Variants in GSE1 observed in about 807,000 individuals in gnomAD.
GSE1 encodes Gse1 coiled-coil protein.
In GSE1, 32 loss-of-function variants were observed where a neutral mutation model predicts 112.6. The observed-to-expected ratio is 0.28, with a 90% CI of 0.21 to 0.38. GSE1 has a LOEUF of 0.38. Among genes scored for constraint, GSE1 ranks in the 10% least tolerant of loss-of-function variants. GSE1 has a pLI of 1.00. For synonymous variants in GSE1, 1,115 were observed against 735.6 expected (o/e 1.52, Z -8.35); for missense variants, 2,348 against 1,699.2 (o/e 1.38, Z -6.71).
chr16:85,416,702 C>G (rs1291286082), intron 2 of GSE1, among the ~76,000 whole-genome samples: 1 of 152,250 alleles, frequency 6.6e-6, no homozygotes. Flanking sequence ...CCAAGAGTCC[C>G]TGGCAAAATC....
At chr16:85,400,482 T>C (rs2048077124) in intron 2 of GSE1, among the ~76,000 whole-genome samples, 1 of 151,824 alleles carries the variant, frequency 6.6e-6, no homozygotes, top group South Asian at 2.1e-4. Flanking sequence ...TGTGTAGTTT[T>C]GTGTTGTGTG....
chr16:85,397,482 C>A (rs993297819), intron 2 of GSE1, among the ~76,000 whole-genome samples: 2 of 152,240 alleles, frequency 1.3e-5, no homozygotes, highest in Admixed American at 6.5e-5. Flanking sequence ...CTGGCCCAGG[C>A]TTGTCACGGT....
intron 1 of GSE1, among the ~76,000 whole-genome samples, chr16:85,291,286 C>T (rs1384635574): frequency 6.6e-6 from 1 of 152,186 alleles, no homozygotes; most frequent in Admixed American, 6.5e-5. Context: ...TCCCTCCTCA[C>T]CCTCCTCCTC....
chr16:85,654,696 T>G, intron 4 of GSE1, 98 bp from the exon 5 acceptor site: 1 of 825,944 alleles, frequency 1.2e-6, no homozygotes, highest in Non-Finnish European at 2.0e-6. Flanking sequence ...GGGTGCCGAC[T>G]GAGCGCCAGG....
chr16:85,183,479 C>T (rs1597739173), intron 1 of GSE1, among the ~76,000 whole-genome samples: 1 of 152,212 alleles, frequency 6.6e-6, no homozygotes. Flanking sequence ...ACAGCCAGGG[C>T]ACCCAGACTC....
At chr16:85,615,584 C>T (rs1392376324) in intron 1 of GSE1, among the ~76,000 whole-genome samples, 2 of 152,162 alleles carry the variant, frequency 1.3e-5, no homozygotes, top group Non-Finnish European at 2.9e-5. Flanking sequence ...CTCCGGTGAC[C>T]TAGGGTCAGC....
rs186210733 is a variant in GSE1, at chr16:85,338,343, C to T, written c.2284-19120C>T. On this transcript the variant is annotated intron_variant, in intron 1 of 2. Transcript: ENST00000637419. The stretch of plus-strand genomic sequence containing the variant: ...CTGAGTGCCCTCCTAACCTTCCGGG[C>T]TGCTCTGAGTGGTAGATGTCCCCCA... 4.6e-5 allele frequency among the ~76,000 whole-genome samples: 7 copies of T among 152,374 alleles called. No individual in the cohort carries two copies. The East Asian group carries it at 1.3e-3, about 29-fold the overall frequency.
chr16:85,463,162 T>TG lies in GSE1; in HGVS notation c.2464+105525dup, dbSNP rs540027305. 5.2e-6 allele frequency: 5 copies of TG among 969,326 alleles called. No individual in the cohort carries two copies. The African/African-American group carries it at 8.8e-5, about 17-fold the overall frequency. 60.0% of individuals were successfully genotyped at this position (969,326 alleles called of 1,614,324 possible). A position where few individuals can be genotyped will look rare whatever the true frequency, so the allele number is the denominator to read the frequency against. On this transcript the variant is annotated intron_variant, in intron 2 of 2. Transcript: ENST00000637419. ...GCTCACCGCCCCGTGGACGGGAGGG[T>TG]GGGGGGTCCGGGATGGAACTTTCTG...
At chr16:85,589,085 T>C (rs997505095) in intron 1 of GSE1, among the ~76,000 whole-genome samples, 1 of 151,332 alleles carries the variant, frequency 6.6e-6, no homozygotes, top group Non-Finnish European at 1.5e-5. Flanking sequence ...CTTCCCGGGA[T>C]CCCCGTGTAC....
At chr16:85,491,004 C>T (rs748599988) in intron 2 of GSE1, among the ~76,000 whole-genome samples, 1 of 152,144 alleles carries the variant, frequency 6.6e-6, no homozygotes, top group Non-Finnish European at 1.5e-5. Flanking sequence ...GACTCCACAC[C>T]CCGATCTCTC....
chr16:85,430,249 G>A (rs547038883), intron 2 of GSE1, among the ~76,000 whole-genome samples: 9 of 152,230 alleles, frequency 5.9e-5, no homozygotes, highest in Admixed American at 5.2e-4. Context: ...AGAATGCAGT[G>A]AAGGATGAGG....
Position 85,654,331 on chromosome 16 carries a change from C to G in GSE1, c.480C>G (p.Pro160=). The change falls in exon 4 of 16, where the codon CCC becomes CCG. Residue 160 remains proline, a synonymous_variant. Transcript: ENST00000253458. The part of the protein sequence containing the change: ...SGGRERLIVE[P]PLPQEKAGGP... Reference sequence around the variant, plus strand: ...GTCGGGAACGCCTCATTGTGGAGCCCCCGCTCCCTCAGGAGAAGGCAGGGG... The same window carrying G: ...GTCGGGAACGCCTCATTGTGGAGCCGCCGCTCCCTCAGGAGAAGGCAGGGG... 6.2e-7 allele frequency: 1 copy of G among 1,611,644 alleles called. No individual in the cohort carries two copies. The highest frequency in any genetic ancestry group is 8.5e-7 in the Non-Finnish European group (1 of 1,179,510).
chr16:85,393,673 C>T (rs905794154), intron 2 of GSE1, among the ~76,000 whole-genome samples: 1 of 152,240 alleles, frequency 6.6e-6, no homozygotes, highest in Non-Finnish European at 1.5e-5. Context: ...GTGTGATTTA[C>T]AGGACCCCAA....
intron 1 of GSE1, among the ~76,000 whole-genome samples, chr16:85,633,713 C>T (rs979553008): frequency 2.6e-5 from 4 of 152,162 alleles, no homozygotes; most frequent in South Asian, 2.1e-4. Flanking sequence ...GGGTCTGTGC[C>T]GGGTTCCAGC....
intron 2 of GSE1, among the ~76,000 whole-genome samples, chr16:85,643,353 G>A (rs764135838): frequency 1.5e-4 from 23 of 152,202 alleles, no homozygotes; most frequent in Non-Finnish European, 2.8e-4. Context: ...TGGGCCTGGC[G>A]TTGTGGGGGC....
intron 1 of GSE1, among the ~76,000 whole-genome samples, chr16:85,176,075 C>G (rs1351245202): frequency 6.6e-6 from 1 of 152,156 alleles, no homozygotes; most frequent in Non-Finnish European, 1.5e-5. Flanking sequence ...TGCAGCCTCC[C>G]CCTCCTGAGC....
chr16:85,448,776 T>C (rs1278354889), intron 2 of GSE1, among the ~76,000 whole-genome samples: 1 of 152,090 alleles, frequency 6.6e-6, no homozygotes, highest in Non-Finnish European at 1.5e-5. Context: ...ACCACCAACG[T>C]GTTTATGAAA....
intron 1 of GSE1, among the ~76,000 whole-genome samples, chr16:85,357,231 G>A (rs1020171745): frequency 2.0e-5 from 3 of 152,194 alleles, no homozygotes; most frequent in Admixed American, 6.5e-5. Flanking sequence ...CCCAGCAGCA[G>A]GGGTCCAGCC....
At chr16:85,397,785 C>T (rs988170872) in intron 2 of GSE1, among the ~76,000 whole-genome samples, 4 of 152,188 alleles carry the variant, frequency 2.6e-5, no homozygotes, top group African/African-American at 7.2e-5. Flanking sequence ...GGAAGGCGCA[C>T]ATCCCCTGCT....
Sources: allele counts gnomAD v4.1 joint callset (sites outside exome capture counted in the v4.1 genomes callset), GRCh38; gene constraint gnomAD v4.1.1; transcripts MANE v1.5; gene names NCBI Gene and HGNC (gene_info 2026-07-23, HGNC 2026-07-21).